EPHA3: variants seen among roughly 807,000 people sequenced by gnomAD.
EPHA3 encodes ephrin type-A receptor 3.
In EPHA3, 42 loss-of-function variants were observed where a neutral mutation model predicts 107.1. That is an observed-to-expected ratio of 0.39 (90% CI 0.31 to 0.51). EPHA3 has a LOEUF of 0.51. Among genes scored for constraint, EPHA3 ranks in the 20% least tolerant of loss-of-function variants. The pLI is 0.78. For missense variants in EPHA3, 1,183 were observed against 1,211.2 expected (o/e 0.98, Z 0.35); for synonymous variants, 461 against 424.8 (o/e 1.09, Z -1.05).
chr3:89,169,222 T>A (rs1033494937), intron 2 of EPHA3, among the ~76,000 whole-genome samples: 1 of 152,146 alleles, frequency 6.6e-6, no homozygotes, highest in Admixed American at 6.5e-5. Context: ...TATAATAATT[T>A]TATCACTGCT....
In EPHA3 at chr3:89,455,298, C is replaced by T. The variant is rs143413141; in HGVS notation, c.2690+4928C>T. ...TGAGACCTGCAGGAAGGGAATGAGCCAGCTGTGTAACCTCCTCCTCACCAA... is the reference window on the plus strand; with the variant it reads ...TGAGACCTGCAGGAAGGGAATGAGCTAGCTGTGTAACCTCCTCCTCACCAA... On this transcript the variant is annotated intron_variant, in intron 15 of 16. Transcript: ENST00000336596. 3.3e-3 allele frequency among the ~76,000 whole-genome samples: 502 copies of T among 152,202 alleles called. 5 individuals carry two copies. Among genetic ancestry groups the T allele is most frequent in the African/African-American group, 0.011 (476 of 41,544 alleles).
At chr3:89,137,031 G>C (rs1280130492) in intron 2 of EPHA3, among the ~76,000 whole-genome samples, 1 of 151,776 alleles carries the variant, frequency 6.6e-6, no homozygotes, top group Non-Finnish European at 1.5e-5. Context: ...TAAAATAAAA[G>C]TGACCAAAAA....
chr3:89,242,864 A>G (rs1161172905), intron 3 of EPHA3, among the ~76,000 whole-genome samples: 2 of 151,260 alleles, frequency 1.3e-5, no homozygotes, highest in South Asian at 4.2e-4. Flanking sequence ...TTAACTCGTC[A>G]TTTAACGTTT....
intron 2 of EPHA3, among the ~76,000 whole-genome samples, chr3:89,204,838 T>C (rs1706062633): frequency 6.6e-6 from 1 of 151,842 alleles, no homozygotes; most frequent in Non-Finnish European, 1.5e-5. Flanking sequence ...TGGCTATGAG[T>C]GTACAAGGGG....
At chr3:89,322,766 A>G (rs1265985629) in intron 3 of EPHA3, among the ~76,000 whole-genome samples, 1 of 152,174 alleles carries the variant, frequency 6.6e-6, no homozygotes. Context: ...TGCTTTTACC[A>G]GCAAGTACAA....
chr3:89,419,648 C>T lies in EPHA3; in HGVS notation c.2074+258C>T, dbSNP rs1261671834. The stretch of plus-strand genomic sequence containing the variant: ...ACATATTAGACCATTTAAAGGTACG[C>T]TGATTAGCAGACAGTTAAGAGAAGA... On this transcript the variant is annotated intron_variant, in intron 11 of 16. Coordinates refer to ENST00000336596, the MANE Select transcript of EPHA3 (RefSeq NM_005233.6). Among the ~76,000 whole-genome samples the T allele has an allele frequency of 2.0e-5, 3 of 151,356 alleles. No individual in the cohort carries two copies. In the Admixed American group the frequency reaches 2.0e-4, roughly 10 times the overall value.
chr3:89,460,163 A>G (rs1041035409), intron 15 of EPHA3, among the ~76,000 whole-genome samples: 15 of 152,256 alleles, frequency 9.9e-5, no homozygotes, highest in Middle Eastern at 3.4e-3. Context: ...GAAGAGATGT[A>G]TGTGTGTGCA....
At chr3:89,243,382 G>T (rs372991750) in intron 3 of EPHA3, among the ~76,000 whole-genome samples, 29 of 152,274 alleles carry the variant, frequency 1.9e-4, no homozygotes, top group African/African-American at 6.7e-4. Context: ...CAGTGTAAAA[G>T]TGTTCCTATT....
At chr3:89,384,279 A>G (rs1708569910) in intron 5 of EPHA3, among the ~76,000 whole-genome samples, 1 of 152,104 alleles carries the variant, frequency 6.6e-6, no homozygotes, top group South Asian at 2.1e-4. Context: ...GCAATCCTGC[A>G]TTGGTTGGGG....
At chr3:89,458,015 G>A (rs964613695) in intron 15 of EPHA3, among the ~76,000 whole-genome samples, 1 of 152,162 alleles carries the variant, frequency 6.6e-6, no homozygotes, top group Non-Finnish European at 1.5e-5. Context: ...AGGAAGAACA[G>A]AAGGAAGAAC....
At chr3:89,476,639 G>C (rs547663103) in intron 16 of EPHA3, among the ~76,000 whole-genome samples, 18 of 134,640 alleles carry the variant, frequency 1.3e-4, no homozygotes, top group African/African-American at 4.2e-4. Flanking sequence ...GCGGATTCTC[G>C]CTCTGTCGCC....
intron 13 of EPHA3, among the ~76,000 whole-genome samples, chr3:89,433,111 A>G (rs944624587): frequency 1.2e-4 from 19 of 152,120 alleles, no homozygotes; most frequent in African/African-American, 4.6e-4. Context: ...TTACAGGATC[A>G]AAACGTATAC....
Position 89,349,316 on chromosome 3 carries a change from T to A in EPHA3, c.1306+7226T>A, listed in dbSNP as rs1443832042. Among the ~76,000 whole-genome samples the A allele has an allele frequency of 9.4e-5, 8 of 85,034 alleles. No individual in the cohort carries two copies. The South Asian group carries it at 2.7e-3, about 29-fold the overall frequency. The allele number at this position is 85,034 out of a possible 152,430, so 55.8% of individuals were successfully genotyped here. A position where few individuals can be genotyped will look rare whatever the true frequency, so the allele number is the denominator to read the frequency against. On this transcript the variant is annotated intron_variant, in intron 5 of 16. Coordinates refer to ENST00000336596, the MANE Select transcript of EPHA3 (RefSeq NM_005233.6). ...TGGGTGCTCCTGTATTGGGTGCATA[T>A]ATATTTAGGATAGTTAGCTCTTCTT...
chr3:89,205,683 C>T (rs1706084056), intron 2 of EPHA3, among the ~76,000 whole-genome samples: 1 of 151,984 alleles, frequency 6.6e-6, no homozygotes, highest in African/African-American at 2.4e-5. Flanking sequence ...TGTTTGTATC[C>T]CCTTCTGCTG....
chr3:89,185,931 A>T (rs1705554275), intron 2 of EPHA3, among the ~76,000 whole-genome samples: 1 of 152,098 alleles, frequency 6.6e-6, no homozygotes. Context: ...CTCAAATTTA[A>T]TGCATATTAC....
rs1248040180 is a variant in EPHA3 at position 89,208,451 on chromosome 3, A to G, written c.154-1409A>G. Among the ~76,000 whole-genome samples the G allele has an allele frequency of 2.6e-4, 33 of 127,566 alleles. 2 individuals carry two copies. Among genetic ancestry groups the G allele is most frequent in the African/African-American group, 7.5e-4 (21 of 27,874 alleles). The allele number at this position is 127,566 out of a possible 152,430, so 83.7% of individuals were successfully genotyped here. On this transcript the variant is annotated intron_variant, in intron 2 of 16. Coordinates refer to ENST00000336596, the MANE Select transcript of EPHA3 (RefSeq NM_005233.6). Reference sequence around the variant, plus strand: ...GAAAGAAAGAAAGAAAGAAAGAAAGAAAGAAAGAAAGAAAGAAAGAAAGAA... The same window carrying G: ...GAAAGAAAGAAAGAAAGAAAGAAAGGAAGAAAGAAAGAAAGAAAGAAAGAA...
intron 3 of EPHA3, among the ~76,000 whole-genome samples, chr3:89,333,959 G>C (rs1707344618): frequency 6.6e-6 from 1 of 151,786 alleles, no homozygotes; most frequent in Non-Finnish European, 1.5e-5. Context: ...TTTTAATACT[G>C]TGCTTATTTT....
chr3:89,294,982 G>A (rs189110579), intron 3 of EPHA3, among the ~76,000 whole-genome samples: 1 of 152,218 alleles, frequency 6.6e-6, no homozygotes, highest in East Asian at 1.9e-4. Flanking sequence ...TGATCCTTGT[G>A]AGTTCTGTTT....
chr3:89,363,133 A>G lies in EPHA3; in HGVS notation c.1306+21043A>G, dbSNP rs1019444439. Among the ~76,000 whole-genome samples, 4 of 150,908 alleles carry G rather than the reference A, an allele frequency of 2.7e-5. 1 individual carries two copies. Among genetic ancestry groups the G allele is most frequent in the Non-Finnish European group, 4.4e-5 (3 of 67,422 alleles). On this transcript the variant is annotated intron_variant, in intron 5 of 16. Transcript: ENST00000336596. ...ATTTTTCAATTATATTAGTCCACAT[A>G]TTAATGAAGTTTCTCCAGAGAAGCA... is the stretch of plus-strand genomic sequence containing the variant.
Sources: gnomAD v4.1 joint callset for allele counts (sites outside exome capture counted in the v4.1 genomes callset) on GRCh38, gnomAD v4.1.1 for gene constraint, MANE v1.5 for transcripts, NCBI Gene and HGNC (gene_info 2026-07-23, HGNC 2026-07-21) for gene names.